The following CNTNAP4 variants were observed in gnomAD, a reference collection of about 807,000 sequenced individuals.
CNTNAP4 encodes contactin-associated protein-like 4.
In CNTNAP4, 98 loss-of-function variants were observed where a neutral mutation model predicts 148.4. The observed-to-expected ratio is 0.66, with a 90% confidence interval of 0.56 to 0.78. The LOEUF (loss-of-function observed/expected upper bound fraction) is 0.78. CNTNAP4 is among the 30% of genes least tolerant of loss of function. The pLI is 0.00. For missense variants in CNTNAP4, 1,935 were observed against 1,565.6 expected, an observed-to-expected ratio of 1.24 and a Z score of -3.98; for synonymous variants, 730 against 565.1, an observed-to-expected ratio of 1.29 and a Z score of -4.14.
At chr16:76,433,418 A>T (rs1406308023) in intron 4 of CNTNAP4, among the ~76,000 whole-genome samples, 1 of 152,208 alleles carries the variant, frequency 6.6e-6, no homozygotes, top group African/African-American at 2.4e-5. Context: ...ATTAAACATC[A>T]ATCATTTTAA....
intron 2 of CNTNAP4, among the ~76,000 whole-genome samples, chr16:76,322,267 G>C (rs2144151604): frequency 6.6e-6 from 1 of 152,214 alleles, no homozygotes; most frequent in East Asian, 1.9e-4. Flanking sequence ...TTCTGGGTTT[G>C]GGCCTTGTCT....
At chr16:76,438,428 A>G (rs1241522519) in intron 4 of CNTNAP4, among the ~76,000 whole-genome samples, 3 of 152,168 alleles carry the variant, frequency 2.0e-5, no homozygotes, top group Non-Finnish European at 4.4e-5. Context: ...CTGAAATGCC[A>G]CAAGGTAATC....
At chr16:76,537,888 C>A (rs978178642) in intron 18 of CNTNAP4, among the ~76,000 whole-genome samples, 2 of 152,020 alleles carry the variant, frequency 1.3e-5, no homozygotes, top group Non-Finnish European at 2.9e-5. Context: ...ATTTAACTTT[C>A]AACTGTAAAA....
At chr16:76,531,364 G>T (rs1284848101) in intron 17 of CNTNAP4, among the ~76,000 whole-genome samples, 3 of 152,102 alleles carry the variant, frequency 2.0e-5, no homozygotes, top group African/African-American at 7.2e-5. Context: ...ATGAGGAAAG[G>T]GTTTGGTGCT....
chr16:76,354,951 C>G (rs2012378881), intron 2 of CNTNAP4, among the ~76,000 whole-genome samples: 1 of 152,144 alleles, frequency 6.6e-6, no homozygotes, highest in African/African-American at 2.4e-5. Context: ...TTCCTTACAT[C>G]CAGTCCTGGG....
chr16:76,540,668 T>G, intron 20 of CNTNAP4, 35 bp from the exon 21 acceptor site: 5 of 1,428,506 alleles, frequency 3.5e-6, no homozygotes, highest in Non-Finnish European at 4.8e-6. Flanking sequence ...ACGTCATCCA[T>G]TTGGATGTTT....
chr16:76,442,208 A>G (rs1408844938), intron 4 of CNTNAP4, among the ~76,000 whole-genome samples: 4 of 152,174 alleles, frequency 2.6e-5, no homozygotes, highest in African/African-American at 9.6e-5. Context: ...CACTGGTCAC[A>G]TGAAGGAAGA....
At chr16:76,407,643 A>G (rs1175105910) in intron 3 of CNTNAP4, among the ~76,000 whole-genome samples, 1 of 152,078 alleles carries the variant, frequency 6.6e-6, no homozygotes, top group African/African-American at 2.4e-5. Context: ...GCAATCTTAT[A>G]ATAAAACATT....
At chr16:76,475,801 T>C in intron 10 of CNTNAP4, 138 bp from the exon 11 acceptor site, 1 of 611,708 alleles carries the variant, frequency 1.6e-6, no homozygotes, top group Non-Finnish European at 2.9e-6. Context: ...GTGATTAAAG[T>C]GATTAACAAC....
At chr16:76,351,212 TAGTC>T (rs2011695368) in intron 2 of CNTNAP4, among the ~76,000 whole-genome samples, 1 of 152,312 alleles carries the variant, frequency 6.6e-6, no homozygotes, top group African/African-American at 2.4e-5. Context: ...TTGCTGGAGT[TAGTC>T]ATCACTTTCT....
At chr16:76,315,608 T>C (rs1457636045) in intron 1 of CNTNAP4, among the ~76,000 whole-genome samples, 3 of 152,176 alleles carry the variant, frequency 2.0e-5, no homozygotes, top group African/African-American at 7.2e-5. Context: ...TGAAGTCTGT[T>C]TTTTGAGACA....
chr16:76,543,778 G>T (rs550108598), intron 21 of CNTNAP4, among the ~76,000 whole-genome samples: 90 of 152,302 alleles, frequency 5.9e-4, no homozygotes, highest in African/African-American at 1.8e-3. Flanking sequence ...TCATGGCCTT[G>T]GTACAAGCAT....
intron 12 of CNTNAP4, among the ~76,000 whole-genome samples, chr16:76,484,526 T>C (rs2081957048): frequency 6.6e-6 from 1 of 152,156 alleles, no homozygotes; most frequent in Non-Finnish European, 1.5e-5. Context: ...AAATACGTGT[T>C]ACTACTTGAA....
At chr16:76,353,423 T>G (rs2012122203) in intron 2 of CNTNAP4, among the ~76,000 whole-genome samples, 1 of 152,232 alleles carries the variant, frequency 6.6e-6, no homozygotes, top group African/African-American at 2.4e-5. Context: ...TTTTTTAAAA[T>G]GCTGCTTTGA....
intron 2 of CNTNAP4, among the ~76,000 whole-genome samples, chr16:76,317,252 C>CAAAAAAAAAAAAAAAAA (rs11149891): frequency 1.2e-5 from 1 of 86,274 alleles, no homozygotes. Context: ...GACCCTGTCT[C>CAAAAAAAAAAAAAAAAA]AAAAAAAAAA....
At chr16:76,477,286 G>A (rs1236558059) in intron 11 of CNTNAP4, among the ~76,000 whole-genome samples, 1 of 152,000 alleles carries the variant, frequency 6.6e-6, no homozygotes, top group Admixed American at 6.6e-5. Context: ...AGTTGTTCTG[G>A]CGCACAAATG....
chr16:76,425,755 A>T (rs2079369032), intron 3 of CNTNAP4, among the ~76,000 whole-genome samples: 1 of 152,182 alleles, frequency 6.6e-6, no homozygotes, highest in Admixed American at 6.5e-5. Context: ...TCCCTGAGAG[A>T]ACTGAACCTG....
In CNTNAP4 at chr16:76,538,329, T is replaced by C. The variant is rs767132277; in HGVS notation, c.3209T>C (p.Ile1070Thr). 1.7e-5 allele frequency: 27 copies of C among 1,601,608 alleles called. No individual in the cohort carries two copies. Among genetic ancestry groups the C allele is most frequent in the Non-Finnish European group, 2.2e-5 (26 of 1,175,248 alleles). The change falls in exon 19 of 24, where the codon ATT becomes ACT. Residue 1070 changes from isoleucine to threonine, a missense_variant. Physicochemically the swap from Ile to Thr is moderately conservative, Grantham distance 89. Transcript: ENST00000611870. ...SFYKEYLSVI[I>T]AKNGSLQIRY... Reference sequence around the variant, plus strand: ...TACAAAGAATACCTTTCTGTGATCATTGCCAAAAATGGTGAGTTCTTTTTA... The same window carrying C: ...TACAAAGAATACCTTTCTGTGATCACTGCCAAAAATGGTGAGTTCTTTTTA...
intron 17 of CNTNAP4, among the ~76,000 whole-genome samples, chr16:76,531,660 C>T (rs1241980558): frequency 6.6e-6 from 1 of 152,136 alleles, no homozygotes; most frequent in African/African-American, 2.4e-5. Flanking sequence ...CACTCTAACC[C>T]TGAAAAGGCA....
Sources: gnomAD v4.1 joint callset for allele counts (sites outside exome capture counted in the v4.1 genomes callset) on GRCh38, gnomAD v4.1.1 for gene constraint, MANE v1.5 for transcripts, NCBI Gene and HGNC (gene_info 2026-07-23, HGNC 2026-07-21) for gene names.